TAFA1: variants seen among roughly 807,000 people sequenced by gnomAD.
The protein encoded by TAFA1 is TAFA chemokine like family member 1.
Under a neutral mutation model 18.5 loss-of-function variants are expected in TAFA1, and 4 were observed. That is an observed-to-expected ratio of 0.22 (90% confidence interval 0.11 to 0.49). The LOEUF (loss-of-function observed/expected upper bound fraction) is 0.49. Ranked by LOEUF, TAFA1 falls within the 20% of genes least tolerant of loss-of-function variation. TAFA1 has a pLI of 0.98. For synonymous variants in TAFA1, 56 were observed against 55.2 expected, an observed-to-expected ratio of 1.01 and a Z score of -0.06; for missense variants, 147 against 169.0, an observed-to-expected ratio of 0.87 and a Z score of 0.72.
chr3:68,039,318 G>T (rs1285609486), intron 2 of TAFA1, among the ~76,000 whole-genome samples: 1 of 151,892 alleles, frequency 6.6e-6, no homozygotes, highest in African/African-American at 2.4e-5. Flanking sequence ...AATTATTATA[G>T]AATAATACAT....
rs1236074681 is a variant in TAFA1, at chr3:68,545,287, A to G, written c.*784A>G. The G allele has an allele frequency of 2.6e-5, 4 of 152,594 alleles. No individual in the cohort carries two copies. Among genetic ancestry groups the G allele is most frequent in the Non-Finnish European group, 5.9e-5 (4 of 68,030 alleles). 9.5% of individuals were successfully genotyped at this position (152,594 alleles called of 1,614,324 possible). A position where few individuals can be genotyped will look rare whatever the true frequency, so the allele number is the denominator to read the frequency against. On this transcript the variant is annotated 3_prime_UTR_variant, in exon 5 of 5. Coordinates refer to ENST00000478136, the MANE Select transcript of TAFA1 (RefSeq NM_213609.4). ...TGAGGATTCTTAAGGGAGCCACTCC[A>G]CCATGCTATTAAGACTCTGGCAGAG...
At chr3:68,353,229 C>T (rs2069302150) in intron 2 of TAFA1, among the ~76,000 whole-genome samples, 1 of 152,050 alleles carries the variant, frequency 6.6e-6, no homozygotes, top group Admixed American at 6.6e-5. Flanking sequence ...GCACCAAGCA[C>T]TAGTAGTCTT....
chr3:68,289,683 T>C (rs1282567738), intron 2 of TAFA1, among the ~76,000 whole-genome samples: 2 of 152,226 alleles, frequency 1.3e-5, no homozygotes, highest in Non-Finnish European at 2.9e-5. Context: ...TTGGATGTGA[T>C]CTGTGTTTTA....
chr3:68,336,815 C>A (rs1195520145), intron 2 of TAFA1, among the ~76,000 whole-genome samples: 3 of 152,126 alleles, frequency 2.0e-5, no homozygotes, highest in Non-Finnish European at 2.9e-5. Flanking sequence ...CCTCTGTCTC[C>A]CAGATTCAAG....
intron 2 of TAFA1, among the ~76,000 whole-genome samples, chr3:68,401,855 A>G (rs2070500497): frequency 6.6e-6 from 1 of 152,172 alleles, no homozygotes; most frequent in South Asian, 2.1e-4. Context: ...TGGCTTCCCT[A>G]GAAGAAAGAA....
At chr3:68,439,468 C>T (rs1223439125) in intron 3 of TAFA1, among the ~76,000 whole-genome samples, 2 of 123,536 alleles carry the variant, frequency 1.6e-5, no homozygotes, top group Non-Finnish European at 3.3e-5. Context: ...AGTATTAACT[C>T]ACACAATCAC....
At chr3:68,044,325 A>C (rs1705225335) in intron 2 of TAFA1, among the ~76,000 whole-genome samples, 4 of 152,134 alleles carry the variant, frequency 2.6e-5, no homozygotes. Context: ...ATGGTTTGTC[A>C]CTGAAACCCT....
chr3:68,447,631 A>T (rs1001479281), intron 3 of TAFA1, among the ~76,000 whole-genome samples: 2 of 152,320 alleles, frequency 1.3e-5, no homozygotes, highest in Admixed American at 6.5e-5. Context: ...TGAAAATTTT[A>T]AAAAATATAC....
intron 2 of TAFA1, among the ~76,000 whole-genome samples, chr3:68,036,213 G>T (rs1320794033): frequency 6.6e-6 from 1 of 152,036 alleles, no homozygotes. Context: ...GGCCAAGGTG[G>T]GTGGATCACG....
intron 2 of TAFA1, among the ~76,000 whole-genome samples, chr3:68,228,852 T>C (rs1474326009): frequency 6.6e-6 from 1 of 152,182 alleles, no homozygotes; most frequent in Non-Finnish European, 1.5e-5. Flanking sequence ...TCCACCTATA[T>C]TGAGCCCTTG....
Position 68,406,193 on chromosome 3 carries a change from A to G in TAFA1, c.119-11087A>G, listed in dbSNP as rs1225503797. Reference sequence around the variant, plus strand: ...TGTCAGTGTTTTATATAATTTTAGAAAAATTAGTATAGCCAGAGGAGTTAT... The same window carrying G: ...TGTCAGTGTTTTATATAATTTTAGAGAAATTAGTATAGCCAGAGGAGTTAT... On this transcript the variant is annotated intron_variant, in intron 2 of 4. Coordinates refer to ENST00000478136, the MANE Select transcript of TAFA1 (RefSeq NM_213609.4). Among the ~76,000 whole-genome samples the G allele has an allele frequency of 2.6e-5, 4 of 152,170 alleles. No individual in the cohort carries two copies. The East Asian group carries it at 7.7e-4, about 29-fold the overall frequency.
chr3:67,995,531 T>G, the TAFA1 span, among the ~76,000 whole-genome samples: 10 of 152,208 alleles, frequency 6.6e-5, no homozygotes, highest in Non-Finnish European at 1.5e-5. Flanking sequence ...TCTTTTTCTC[T>G]ACTCTAAACT....
At chr3:68,002,995 G>T (rs142253960), upstream of TAFA1, among the ~76,000 whole-genome samples, 1,289 of 152,288 alleles carry the variant, frequency 8.5e-3, 19 homozygotes, top group African/African-American at 0.029. Context: ...TACAGTCAGT[G>T]TAAACTTTCT....
At chr3:68,056,965 C>T (rs184035838) in intron 2 of TAFA1, among the ~76,000 whole-genome samples, 1 of 152,248 alleles carries the variant, frequency 6.6e-6, no homozygotes, top group East Asian at 1.9e-4. Flanking sequence ...GTTAAGTTGA[C>T]ATCATCATAG....
intron 2 of TAFA1, among the ~76,000 whole-genome samples, chr3:68,388,248 GA>G (rs533012275): frequency 5.3e-5 from 8 of 152,020 alleles, no homozygotes; most frequent in Admixed American, 1.3e-4. Flanking sequence ...CACTAGATGT[GA>G]ACTATATGTT....
chr3:68,029,961 GC>G (rs1473532113), intron 2 of TAFA1, among the ~76,000 whole-genome samples: 2 of 152,156 alleles, frequency 1.3e-5, no homozygotes, highest in Admixed American at 1.3e-4. Context: ...TGGGTAAGAA[GC>G]CTGCTTAGTC....
At chr3:68,142,482 C>T (rs940150935) in intron 2 of TAFA1, among the ~76,000 whole-genome samples, 3 of 152,192 alleles carry the variant, frequency 2.0e-5, no homozygotes, top group Non-Finnish European at 4.4e-5. Context: ...GTGCACTGTG[C>T]ATGTGCAGTC....
intron 2 of TAFA1, among the ~76,000 whole-genome samples, chr3:68,302,275 A>G (rs981789736): frequency 3.3e-5 from 5 of 152,136 alleles, no homozygotes; most frequent in Non-Finnish European, 7.3e-5. Flanking sequence ...ACAGACTCCA[A>G]CAGTTCCCGA....
intron 2 of TAFA1, among the ~76,000 whole-genome samples, chr3:68,188,389 T>G (rs2066294979): frequency 6.6e-6 from 1 of 151,472 alleles, no homozygotes; most frequent in African/African-American, 2.4e-5. Context: ...ATTCTGCATG[T>G]CTTAAAGGTT....
Sources: allele counts gnomAD v4.1 joint callset (sites outside exome capture counted in the v4.1 genomes callset), GRCh38; gene constraint gnomAD v4.1.1; transcripts MANE v1.5; gene names NCBI Gene and HGNC (gene_info 2026-07-23, HGNC 2026-07-21).